The following KLF7 variants were observed in gnomAD, a reference collection of about 807,000 sequenced individuals.
KLF7 encodes KLF transcription factor 7, also known as Krueppel-like factor 7.
Under a neutral mutation model 27.3 loss-of-function variants are expected in KLF7, and 2 were observed. The observed-to-expected ratio is 0.07, with a 90% CI of 0.03 to 0.23. The LOEUF is 0.23. Among genes scored for constraint, KLF7 ranks in the 10% least tolerant of loss-of-function variants. KLF7 has a pLI of 1.00. For missense variants in KLF7, 221 were observed against 394.1 expected (o/e 0.56, Z 3.72); for synonymous variants, 165 against 162.4 (o/e 1.02, Z -0.12).
At chr2:207,108,382 G>T (rs1045933724) in intron 2 of KLF7, among the ~76,000 whole-genome samples, 5 of 152,090 alleles carry the variant, frequency 3.3e-5, no homozygotes, top group African/African-American at 1.2e-4. Context: ...ACGGCAGGTA[G>T]AATGAAATAA....
In KLF7 at chr2:207,099,551, GATATATATAT is replaced by G. The variant is rs59383415; in HGVS notation, c.734-10980_734-10971del. On this transcript the variant is annotated intron_variant, in intron 2 of 3. Transcript: ENST00000309446. ...AAAGTTAACTTTCTGCTACATATGCGATATATATATATATATATATATGAAAAGAGATAGA... is the reference window on the plus strand; with the variant it reads ...AAAGTTAACTTTCTGCTACATATGCGATATATATATATGAAAAGAGATAGA... 2.8e-4 allele frequency among the ~76,000 whole-genome samples: 16 copies of G among 57,574 alleles called. 2 individuals carry two copies. The East Asian group carries it at 3.3e-3, about 12-fold the overall frequency. 37.8% of individuals were successfully genotyped at this position (57,574 alleles called of 152,430 possible).
At chr2:207,166,125 C>T (rs1225628254), upstream of KLF7, 2 of 984,718 alleles carry the variant, frequency 2.0e-6, no homozygotes, top group Non-Finnish European at 2.4e-6. Flanking sequence ...AAACTCCCTC[C>T]CTCCGTTCGG....
intron 2 of KLF7, among the ~76,000 whole-genome samples, chr2:207,115,659 C>G (rs1433158594): frequency 6.6e-6 from 1 of 152,132 alleles, no homozygotes; most frequent in Non-Finnish European, 1.5e-5. Flanking sequence ...TGTAGAAAAT[C>G]CAGTAGCAGA....
intron 1 of KLF7, among the ~76,000 whole-genome samples, chr2:207,128,459 C>A (rs1156706576): frequency 2.0e-5 from 3 of 152,084 alleles, no homozygotes; most frequent in African/African-American, 7.2e-5. Flanking sequence ...TTAAGAATTA[C>A]CAATGGATGC....
At chr2:207,127,802 C>T (rs1310358057) in intron 1 of KLF7, among the ~76,000 whole-genome samples, 1 of 151,898 alleles carries the variant, frequency 6.6e-6, no homozygotes, top group Non-Finnish European at 1.5e-5. Context: ...AAGATTGCAC[C>T]ACTGCACTCC....
At chr2:207,148,971 C>T in intron 1 of KLF7, 2 of 1,100,376 alleles carry the variant, frequency 1.8e-6, no homozygotes, top group Non-Finnish European at 2.3e-6. Flanking sequence ...TATGATATAC[C>T]CAGTCATTAC....
At chr2:207,086,116 A>G (rs2076382378) in intron 3 of KLF7, among the ~76,000 whole-genome samples, 1 of 152,194 alleles carries the variant, frequency 6.6e-6, no homozygotes. Context: ...TTAACTTCTA[A>G]ATAGGGCAGT....
chr2:207,156,301 C>T (rs545065937), intron 1 of KLF7, among the ~76,000 whole-genome samples: 1 of 152,350 alleles, frequency 6.6e-6, no homozygotes, highest in East Asian at 1.9e-4. Context: ...TGAAGGCAGC[C>T]TCCTTGCCGG....
intron 1 of KLF7, among the ~76,000 whole-genome samples, chr2:207,148,616 A>G (rs769958362): frequency 2.6e-4 from 39 of 152,154 alleles, no homozygotes; most frequent in Non-Finnish European, 4.6e-4. Flanking sequence ...AAATCAGGGG[A>G]CTTCAAATAA....
At chr2:207,126,349 C>G (rs2077475717) in intron 1 of KLF7, among the ~76,000 whole-genome samples, 1 of 152,186 alleles carries the variant, frequency 6.6e-6, no homozygotes, top group Non-Finnish European at 1.5e-5. Context: ...ACCTACCAAG[C>G]ACAGTGCCTG....
intron 1 of KLF7, among the ~76,000 whole-genome samples, chr2:207,150,715 C>T (rs1253558894): frequency 5.3e-5 from 8 of 152,168 alleles, no homozygotes; most frequent in Admixed American, 6.5e-5. Context: ...GAATTTTCCA[C>T]GACACCGGTA....
upstream of KLF7, chr2:207,167,130 T>G: frequency 1.4e-6 from 2 of 1,439,110 alleles, no homozygotes; most frequent in Non-Finnish European, 1.8e-6. Context: ...CTTTACGTGA[T>G]GAGGCTCACC....
upstream of KLF7, among the ~76,000 whole-genome samples, chr2:207,171,895 T>C (rs2078789291): frequency 6.6e-6 from 1 of 152,216 alleles, no homozygotes; most frequent in Admixed American, 6.5e-5. Flanking sequence ...AGTATGCCTG[T>C]ATTTAACAAT....
chr2:207,150,997 T>TAAAAAA (rs34218929), intron 1 of KLF7, among the ~76,000 whole-genome samples: 14 of 90,306 alleles, frequency 1.6e-4, no homozygotes, highest in African/African-American at 3.8e-4. Flanking sequence ...TTCTCTTTAT[T>TAAAAAA]AAAAAAAAAA....
upstream of KLF7, chr2:207,166,243 G>A (rs1377736676): frequency 2.1e-5 from 20 of 936,704 alleles, no homozygotes; most frequent in Admixed American, 1.8e-4. Flanking sequence ...TGGGGAGCCC[G>A]GAGCAGAGCC....
At chr2:207,104,224 T>G (rs1338432370) in intron 2 of KLF7, among the ~76,000 whole-genome samples, 1 of 152,262 alleles carries the variant, frequency 6.6e-6, no homozygotes, top group African/African-American at 2.4e-5. Flanking sequence ...TCATCTGCTG[T>G]GATATATGTG....
chr2:207,157,004 C>T (rs1370387035), intron 1 of KLF7, among the ~76,000 whole-genome samples: 4 of 152,060 alleles, frequency 2.6e-5, no homozygotes, highest in Non-Finnish European at 4.4e-5. Context: ...TTTTATTGGT[C>T]TGGGGTGCAG....
intron 1 of KLF7, among the ~76,000 whole-genome samples, chr2:207,154,637 A>G (rs755679882): frequency 1.3e-5 from 2 of 152,152 alleles, no homozygotes; most frequent in Non-Finnish European, 2.9e-5. Context: ...CACCACTGAG[A>G]GAAAGAGCAT....
chr2:207,134,234 G>T, intron 1 of KLF7: 3 of 950,716 alleles, frequency 3.2e-6, no homozygotes, highest in Non-Finnish European at 4.5e-6. Context: ...TCTCAGTTGG[G>T]TTAATTAATA....
Sources: gnomAD v4.1 joint callset for allele counts (sites outside exome capture counted in the v4.1 genomes callset) on GRCh38, gnomAD v4.1.1 for gene constraint, MANE v1.5 for transcripts, NCBI Gene and HGNC (gene_info 2026-07-23, HGNC 2026-07-21) for gene names.